VAMP5: variants seen among roughly 807,000 people sequenced by gnomAD.
The protein encoded by VAMP5 is vesicle associated membrane protein 5.
In VAMP5, 10 loss-of-function variants were observed where a neutral mutation model predicts 8.1. The observed-to-expected ratio is 1.23, with a 90% CI of 0.76 to 2.09. The LOEUF is 2.09. Among genes scored for constraint, VAMP5 ranks in the 30% most tolerant of loss-of-function variants. The probability of loss-of-function intolerance (pLI) is 0.00; values close to 1 mark genes in which losing one functional copy is unlikely to be tolerated. For synonymous variants in VAMP5, 62 were observed against 60.6 expected, an observed-to-expected ratio of 1.02 and a Z score of -0.11; for missense variants, 135 against 152.5, an observed-to-expected ratio of 0.89 and a Z score of 0.60.
chr2:85,591,704 G>C (rs1436666008), intron 1 of VAMP5, 21 bp from the exon 2 acceptor site: 10 of 1,613,780 alleles, frequency 6.2e-6, no homozygotes, highest in Non-Finnish European at 8.5e-6. Context: ...ATGCAGCCCT[G>C]ACCTCGGGCT....
intron 1 of VAMP5, among the ~76,000 whole-genome samples, chr2:85,587,379 G>A (rs1347389699): frequency 1.3e-5 from 2 of 151,300 alleles, no homozygotes; most frequent in Non-Finnish European, 2.9e-5. Flanking sequence ...TCAGCCTCCC[G>A]AGTAGCTGGG....
In VAMP5 at chr2:85,585,704, C is replaced by G. The variant is rs540721828; in HGVS notation, c.3+1211C>G. 3.3e-5 allele frequency among the ~76,000 whole-genome samples: 5 copies of G among 152,304 alleles called. No individual in the cohort carries two copies. In the East Asian group the frequency reaches 7.7e-4, roughly 23 times the overall value. On this transcript the variant is annotated intron_variant, in intron 1 of 2. Transcript: ENST00000306384. Reference sequence around the variant, plus strand: ...ATACTGGGAAACCTGGGGATTCTCACGGGTACATTTGAGGCAGTCTGTGGA... The same window carrying G: ...ATACTGGGAAACCTGGGGATTCTCAGGGGTACATTTGAGGCAGTCTGTGGA...
intron 1 of VAMP5, among the ~76,000 whole-genome samples, chr2:85,586,643 G>A (rs975038265): frequency 1.7e-4 from 26 of 152,074 alleles, no homozygotes; most frequent in African/African-American, 5.6e-4. Context: ...GGGTTGTTGG[G>A]TGAGGATTAA....
At chr2:85,591,117 A>G (rs1415227546) in intron 1 of VAMP5, among the ~76,000 whole-genome samples, 1 of 152,256 alleles carries the variant, frequency 6.6e-6, no homozygotes, top group Non-Finnish European at 1.5e-5. Context: ...GAGCAGTGAT[A>G]TAGGGAGCAG....
chr2:85,584,620 C>A, intron 1 of VAMP5, 127 bp downstream of exon 1: 3 of 1,130,444 alleles, frequency 2.7e-6, no homozygotes, highest in South Asian at 8.9e-5. Context: ...AGACCTGAGG[C>A]GGTGACCACT....
rs1672518095 is a variant in VAMP5 at position 85,590,120 on chromosome 2, T to C, written c.4-1605T>C. Among the ~76,000 whole-genome samples, 3 of 152,110 alleles carry C rather than the reference T, an allele frequency of 2.0e-5. No individual in the cohort carries two copies. In the South Asian group the frequency reaches 6.2e-4, roughly 32 times the overall value. On this transcript the variant is annotated intron_variant, in intron 1 of 2. Transcript: ENST00000306384. The stretch of plus-strand genomic sequence containing the variant: ...TCCTCTGTGTTTCCTGCTTACTGCT[T>C]CCTCCAGCCTGTGAGCGCAGCCTCC...
Position 85,592,067 on chromosome 2 carries a change from G to T in VAMP5, c.141+205G>T, listed in dbSNP as rs766972023. On this transcript the variant is annotated intron_variant, in intron 2 of 2. Transcript: ENST00000306384. ...AAGAAGGCCTTGGTTTGAAGCTGTG[G>T]ACCTTCTTAAAGGTAGAAAACTGGT... Among the ~76,000 whole-genome samples the T allele has an allele frequency of 1.4e-3, 218 of 152,256 alleles. 1 individual carries two copies. The highest frequency in any genetic ancestry group is 2.7e-3 in the Non-Finnish European group (186 of 68,004).
rs773681045 is a variant in VAMP5, at chr2:85,592,939, T to TATCCGC, written c.142-7_142-2dup. On this transcript the variant is annotated splice_polypyrimidine_tract_variant and intron_variant, in intron 2 of 2. Transcript: ENST00000306384. ...CTAACTCCCACTTTGTGTCTGGGGG[T>TATCCGC]ATCCGCAGAGCTCAACCTTCAACAA... The TATCCGC allele has an allele frequency of 6.2e-7, 1 of 1,612,554 alleles. No individual in the cohort carries two copies. Among genetic ancestry groups the TATCCGC allele is most frequent in the African/African-American group, 1.3e-5 (1 of 74,596 alleles).
At chr2:85,585,986 A>G (rs1261564903) in intron 1 of VAMP5, among the ~76,000 whole-genome samples, 1 of 152,246 alleles carries the variant, frequency 6.6e-6, no homozygotes, top group Non-Finnish European at 1.5e-5. Context: ...GAAAGATGGA[A>G]ATGGAATGAA....
At chr2:85,591,448 C>T (rs892298616) in intron 1 of VAMP5, 1 of 394,466 alleles carries the variant, frequency 2.5e-6, no homozygotes, top group Non-Finnish European at 4.7e-6. Context: ...CACCTTGGGA[C>T]AGCTTAGAGG....
In VAMP5 at chr2:85,587,761, A is replaced by G. The variant is rs954897769; in HGVS notation, c.3+3268A>G. ...AGAGGAAGTGGAGGTCAGAAAGGTCATATCCTCAGTCTCAGTCACTCAGCT... is the reference window on the plus strand; with the variant it reads ...AGAGGAAGTGGAGGTCAGAAAGGTCGTATCCTCAGTCTCAGTCACTCAGCT... On this transcript the variant is annotated intron_variant, in intron 1 of 2. Coordinates refer to ENST00000306384, the MANE Select transcript of VAMP5 (RefSeq NM_006634.3). 2.6e-5 allele frequency among the ~76,000 whole-genome samples: 4 copies of G among 152,328 alleles called. No individual in the cohort carries two copies. In the South Asian group the frequency reaches 8.3e-4, roughly 32 times the overall value.
intron 1 of VAMP5, among the ~76,000 whole-genome samples, chr2:85,586,595 A>G (rs1672462432): frequency 6.6e-6 from 1 of 151,700 alleles, no homozygotes; most frequent in Non-Finnish European, 1.5e-5. Context: ...AAACAAACAA[A>G]CAAACAAAAT....
rs1352073875 is a variant in VAMP5, at chr2:85,584,453, A to C, written c.-38A>C. ...GGCACTGCGGCCGCTCCGCAGGCAG[A>C]GAAGCCGGGAGCGGGCGAGGCGGCG... is the stretch of plus-strand genomic sequence containing the variant. On this transcript the variant is annotated 5_prime_UTR_variant, in exon 1 of 3. Coordinates refer to ENST00000306384, the MANE Select transcript of VAMP5 (RefSeq NM_006634.3). 5 of 1,243,824 alleles carry C rather than the reference A, an allele frequency of 4.0e-6. No individual in the cohort carries two copies. The allele number at this position is 1,243,824 out of a possible 1,614,324, so 77.0% of individuals were successfully genotyped here. A position where few individuals can be genotyped will look rare whatever the true frequency, so the allele number is the denominator to read the frequency against.
intron 1 of VAMP5, among the ~76,000 whole-genome samples, 177 bp downstream of exon 1, chr2:85,584,670 C>T (rs1672437780): frequency 6.6e-6 from 1 of 152,258 alleles, no homozygotes; most frequent in Non-Finnish European, 1.5e-5. Context: ...TCCCTGCGCG[C>T]CGCATGGGAG....
intron 1 of VAMP5, among the ~76,000 whole-genome samples, chr2:85,585,926 C>A (rs1672453810): frequency 6.6e-6 from 1 of 152,152 alleles, no homozygotes; most frequent in Admixed American, 6.5e-5. Flanking sequence ...GTCCTTCATG[C>A]CAGCATGGTG....
intron 1 of VAMP5, among the ~76,000 whole-genome samples, chr2:85,590,073 G>C (rs1672517390): frequency 6.6e-6 from 1 of 152,146 alleles, no homozygotes; most frequent in South Asian, 2.1e-4. Context: ...TGAGAGTGCA[G>C]TTTCCCTGCT....
At chr2:85,588,837 A>C (rs986751989) in intron 1 of VAMP5, among the ~76,000 whole-genome samples, 2 of 151,628 alleles carry the variant, frequency 1.3e-5, no homozygotes, top group Non-Finnish European at 2.9e-5. Flanking sequence ...TCCCTGCTCC[A>C]TGTCATCCTT....
chr2:85,584,932 G>A (rs910223369), intron 1 of VAMP5, among the ~76,000 whole-genome samples: 4 of 152,166 alleles, frequency 2.6e-5, no homozygotes, highest in Non-Finnish European at 5.9e-5. Flanking sequence ...GCAGAGACCC[G>A]CCTGGCACTC....
At chr2:85,585,380 G>A (rs765028216) in intron 1 of VAMP5, among the ~76,000 whole-genome samples, 1 of 152,262 alleles carries the variant, frequency 6.6e-6, no homozygotes, top group Non-Finnish European at 1.5e-5. Context: ...TTGCCTTGGA[G>A]AAACTGACAG....
Sources: gnomAD v4.1 joint callset for allele counts (sites outside exome capture counted in the v4.1 genomes callset) on GRCh38, gnomAD v4.1.1 for gene constraint, MANE v1.5 for transcripts, NCBI Gene and HGNC (gene_info 2026-07-23, HGNC 2026-07-21) for gene names.